The following TTC7B variants were observed in gnomAD, a reference collection of about 807,000 sequenced individuals.
The protein encoded by TTC7B is tetratricopeptide repeat domain 7B.
A neutral mutation model predicts 106.8 loss-of-function variants in TTC7B; 28 were observed. That is an observed-to-expected ratio of 0.26 (90% CI 0.19 to 0.36). The LOEUF is 0.36. TTC7B is among the 10% of genes least tolerant of loss of function. The pLI is 1.00. For missense variants in TTC7B, 862 were observed against 1,076.4 expected (o/e 0.80, Z 2.79); for synonymous variants, 405 against 430.6 (o/e 0.94, Z 0.74).
intron 17 of TTC7B, among the ~76,000 whole-genome samples, chr14:90,601,322 C>T (rs1463356277): frequency 6.6e-6 from 1 of 152,182 alleles, no homozygotes; most frequent in East Asian, 1.9e-4. Context: ...ATTGACTAGT[C>T]ACTTCCTGAT....
chr14:90,637,413 C>T (rs372215719), intron 15 of TTC7B, among the ~76,000 whole-genome samples: 2 of 142,918 alleles, frequency 1.4e-5, no homozygotes, highest in Non-Finnish European at 3.1e-5. Context: ...AACCCCCCCC[C>T]AGCCCCACAT....
intron 6 of TTC7B, among the ~76,000 whole-genome samples, chr14:90,693,080 C>T (rs188469272): frequency 1.3e-4 from 20 of 151,894 alleles, no homozygotes; most frequent in African/African-American, 4.8e-4. Context: ...CTTAGCCATG[C>T]CCAACTGAAT....
At chr14:90,766,847 AG>A in intron 3 of TTC7B, 1 of 1,596,620 alleles carries the variant, frequency 6.3e-7, no homozygotes, top group Non-Finnish European at 8.6e-7. Context: ...CTGGACAACA[AG>A]CTCCATGAAG....
At chr14:90,782,555 C>T (rs1289869812) in intron 2 of TTC7B, among the ~76,000 whole-genome samples, 1 of 152,130 alleles carries the variant, frequency 6.6e-6, no homozygotes, top group African/African-American at 2.4e-5. Flanking sequence ...GCCAAGATCA[C>T]GCCATTGCAC....
intron 19 of TTC7B, among the ~76,000 whole-genome samples, chr14:90,551,340 C>T (rs1160325858): frequency 1.3e-5 from 2 of 152,160 alleles, no homozygotes; most frequent in African/African-American, 2.4e-5. Flanking sequence ...TCTGCTTGTC[C>T]TGTCAGGGGC....
chr14:90,800,976 A>G (rs2030228868), intron 1 of TTC7B, among the ~76,000 whole-genome samples: 1 of 152,048 alleles, frequency 6.6e-6, no homozygotes, highest in Non-Finnish European at 1.5e-5. Context: ...GCTTGTGCCC[A>G]GGAGTTTGAG....
At chr14:90,627,381 C>A (rs906953577) in intron 15 of TTC7B, among the ~76,000 whole-genome samples, 1 of 152,162 alleles carries the variant, frequency 6.6e-6, no homozygotes, top group Non-Finnish European at 1.5e-5. Context: ...TCCTGCCACT[C>A]CAGTCTCACC....
chr14:90,777,342 T>C (rs1227189244), intron 3 of TTC7B, among the ~76,000 whole-genome samples: 1 of 152,180 alleles, frequency 6.6e-6, no homozygotes, highest in Non-Finnish European at 1.5e-5. Context: ...ACTGCTACGC[T>C]TCTGCATAAC....
chr14:90,714,864 C>A (rs1888595021), intron 5 of TTC7B, among the ~76,000 whole-genome samples: 1 of 152,202 alleles, frequency 6.6e-6, no homozygotes, highest in Non-Finnish European at 1.5e-5. Flanking sequence ...TCCTCTATGA[C>A]AATTCCTGGC....
At chr14:90,692,647 A>G (rs1887521473) in intron 6 of TTC7B, among the ~76,000 whole-genome samples, 1 of 152,236 alleles carries the variant, frequency 6.6e-6, no homozygotes, top group African/African-American at 2.4e-5. Flanking sequence ...ACACTTGCCA[A>G]TTCAGTCAGT....
chr14:90,630,773 C>A (rs1482037843), intron 15 of TTC7B, among the ~76,000 whole-genome samples: 1 of 151,966 alleles, frequency 6.6e-6, no homozygotes, highest in Admixed American at 6.5e-5. Flanking sequence ...TTGCACTTAG[C>A]ATAATGTCCT....
At chr14:90,694,249 AC>A (rs1283897429) in intron 6 of TTC7B, among the ~76,000 whole-genome samples, 4 of 152,204 alleles carry the variant, frequency 2.6e-5, no homozygotes, top group African/African-American at 2.4e-5. Flanking sequence ...AAACAAAAAA[AC>A]AAAACCACGA....
intron 15 of TTC7B, among the ~76,000 whole-genome samples, chr14:90,628,156 C>T (rs2343): frequency 0.38 from 58,176 of 152,172 alleles, 11,362 homozygotes; most frequent in Middle Eastern, 0.48. Flanking sequence ...ACAAGTGCCT[C>T]TGGAACAGGA....
chr14:90,610,754 C>T lies in TTC7B; in HGVS notation c.1954G>A (p.Asp652Asn), dbSNP rs769275592. The change falls in exon 17 of 20, where the codon GAT becomes AAT. Residue 652 changes from aspartate to asparagine, a missense_variant. Coordinates refer to ENST00000328459, the MANE Select transcript of TTC7B (RefSeq NM_001010854.2). ...LNTITLPDFS[D>N]PETGSVHATS... ...TTTTTATTCTCACCTGTCTCGGGAT[C>T]GCTGAAGTCTGGCAAAGTAATTGTA... is the stretch of plus-strand genomic sequence containing the variant. 6 of 1,612,904 alleles carry T rather than the reference C, an allele frequency of 3.7e-6. No individual in the cohort carries two copies. The South Asian group carries it at 4.4e-5, about 12-fold the overall frequency.
chr14:90,642,669 C>G (rs1490657753), intron 15 of TTC7B: 1 of 152,138 alleles, frequency 6.6e-6, no homozygotes, highest in Non-Finnish European at 1.5e-5. Context: ...AGACAAAGTC[C>G]TTCTCAACAA....
chr14:90,729,128 C>A (rs945559991), intron 5 of TTC7B, among the ~76,000 whole-genome samples: 8 of 152,178 alleles, frequency 5.3e-5, no homozygotes, highest in African/African-American at 1.9e-4. Flanking sequence ...CCAAAGCAGG[C>A]CTTCTCTCAC....
intron 9 of TTC7B, among the ~76,000 whole-genome samples, chr14:90,659,080 A>G (rs956582912): frequency 2.0e-5 from 3 of 152,190 alleles, no homozygotes; most frequent in African/African-American, 7.2e-5. Context: ...GTCCGAGGTC[A>G]AATCAGCAAG....
rs1032219822 is a variant in TTC7B, at chr14:90,531,844, T to C, written c.*9524A>G. On this transcript the variant is annotated 3_prime_UTR_variant, in exon 20 of 20. Transcript: ENST00000328459. Reference sequence around the variant, plus strand: ...AACACTGGACTGAAAAGTCTCATTGTGTCTGAGCTCTGCCCCTTTCTTATT... The same window carrying C: ...AACACTGGACTGAAAAGTCTCATTGCGTCTGAGCTCTGCCCCTTTCTTATT... 3.9e-5 allele frequency: 6 copies of C among 152,230 alleles called. No homozygotes were observed. The highest frequency in any genetic ancestry group is 7.3e-5 in the Non-Finnish European group (5 of 68,042). The allele number at this position is 152,230 out of a possible 1,614,324, so 9.4% of individuals were successfully genotyped here.
At chr14:90,770,524 C>T (rs577548370) in intron 3 of TTC7B, among the ~76,000 whole-genome samples, 3 of 152,138 alleles carry the variant, frequency 2.0e-5, no homozygotes, top group East Asian at 3.9e-4. Flanking sequence ...GGCGTGGTGG[C>T]GCATGCCTGT....
Sources: gnomAD v4.1 joint callset for allele counts (sites outside exome capture counted in the v4.1 genomes callset) on GRCh38, gnomAD v4.1.1 for gene constraint, MANE v1.5 for transcripts, NCBI Gene and HGNC (gene_info 2026-07-23, HGNC 2026-07-21) for gene names.